Variants in SLC9A9 observed in about 807,000 individuals in gnomAD.
SLC9A9 encodes the protein sodium/hydrogen exchanger 9.
Under a neutral mutation model 77.8 loss-of-function variants are expected in SLC9A9, and 62 were observed. The observed-to-expected ratio is 0.80, with a 90% CI of 0.65 to 0.98. The LOEUF (loss-of-function observed/expected upper bound fraction) is 0.98. SLC9A9 is among the 50% of genes least tolerant of loss of function. The pLI, the probability that SLC9A9 is intolerant of heterozygous loss-of-function variation, is 0.00. For synonymous variants in SLC9A9, 320 were observed against 283.5 expected (o/e 1.13, Z -1.29); for missense variants, 775 against 774.9 (o/e 1.00, Z 0.00).
chr3:143,471,663 TTTTTG>T (rs1339836187), intron 11 of SLC9A9, among the ~76,000 whole-genome samples: 1 of 152,202 alleles, frequency 6.6e-6, no homozygotes, highest in African/African-American at 2.4e-5. Flanking sequence ...TTTCTTTTTC[TTTTTG>T]TTTTGGCCAA....
intron 4 of SLC9A9, among the ~76,000 whole-genome samples, chr3:143,764,832 C>T (rs2007248403): frequency 6.6e-6 from 1 of 152,100 alleles, no homozygotes; most frequent in African/African-American, 2.4e-5. Context: ...CCACTGTGGC[C>T]TTCCAAAATG....
intron 14 of SLC9A9, among the ~76,000 whole-genome samples, chr3:143,275,789 T>C (rs75000165): frequency 0.013 from 2,020 of 152,330 alleles, 48 homozygotes; most frequent in African/African-American, 0.047. Context: ...TCATTGTTTG[T>C]AGGAACATTA....
intron 6 of SLC9A9, among the ~76,000 whole-genome samples, chr3:143,647,769 T>G (rs1418305955): frequency 6.6e-6 from 1 of 152,228 alleles, no homozygotes. Context: ...TCTGCTTAAC[T>G]TCCACAAGTA....
intron 1 of SLC9A9, among the ~76,000 whole-genome samples, chr3:143,844,166 T>C (rs758322481): frequency 5.9e-5 from 9 of 152,234 alleles, no homozygotes; most frequent in Admixed American, 1.3e-4. Context: ...TTTCTTGGTC[T>C]CTACAAGTGT....
chr3:143,645,313 T>C (rs554711249), intron 6 of SLC9A9, among the ~76,000 whole-genome samples: 2 of 152,314 alleles, frequency 1.3e-5, no homozygotes, highest in East Asian at 1.9e-4. Context: ...TTTAGGAATA[T>C]ATTTTTATAA....
intron 4 of SLC9A9, among the ~76,000 whole-genome samples, chr3:143,745,166 CAAAGAA>C (rs1935172103): frequency 6.6e-6 from 1 of 151,842 alleles, no homozygotes; most frequent in South Asian, 2.1e-4. Flanking sequence ...GGCAATAACT[CAAAGAA>C]GAGAGAGATG....
chr3:143,662,562 T>G (rs988199181), intron 5 of SLC9A9, among the ~76,000 whole-genome samples: 1 of 152,024 alleles, frequency 6.6e-6, no homozygotes, highest in African/African-American at 2.4e-5. Context: ...AGGGAAGCCA[T>G]GAGACAGGGT....
chr3:143,832,007 C>T lies in SLC9A9; in HGVS notation c.378+12G>A, dbSNP rs778277967. 3 of 1,606,332 alleles carry T rather than the reference C, an allele frequency of 1.9e-6. No individual in the cohort carries two copies. Among genetic ancestry groups the T allele is most frequent in the South Asian group, 2.2e-5 (2 of 90,840 alleles). ...TGTAAAACAAATATATAATACCAGA[C>T]AGGATCCTTACCTTTTCAAGTATAG... On this transcript the variant is annotated intron_variant, in intron 2 of 15. Transcript: ENST00000316549.
At chr3:143,808,523 C>A (rs950187408) in intron 2 of SLC9A9, among the ~76,000 whole-genome samples, 6 of 152,120 alleles carry the variant, frequency 3.9e-5, no homozygotes, top group African/African-American at 1.4e-4. Flanking sequence ...AGAGAAGCAC[C>A]AATGTTTTGA....
At chr3:143,818,347 C>T (rs1576749561) in intron 2 of SLC9A9, among the ~76,000 whole-genome samples, 1 of 152,186 alleles carries the variant, frequency 6.6e-6, no homozygotes. Context: ...TGCTCTGTTG[C>T]CCAGGCTGGA....
intron 4 of SLC9A9, among the ~76,000 whole-genome samples, chr3:143,771,380 G>C (rs2007510795): frequency 6.6e-6 from 1 of 152,170 alleles, no homozygotes; most frequent in Non-Finnish European, 1.5e-5. Flanking sequence ...TGATTCAACT[G>C]TGTATAGTGT....
intron 8 of SLC9A9, among the ~76,000 whole-genome samples, chr3:143,565,845 C>T (rs1301250245): frequency 1.3e-5 from 2 of 151,958 alleles, no homozygotes; most frequent in Admixed American, 1.3e-4. Flanking sequence ...TGGCTAATGA[C>T]ACGTATTTGG....
intron 4 of SLC9A9, among the ~76,000 whole-genome samples, chr3:143,723,481 C>G (rs7642816): frequency 0.018 from 2,745 of 152,128 alleles, 73 homozygotes; most frequent in African/African-American, 0.061. Context: ...AGTGGGGACA[C>G]AAGATGATTT....
intron 9 of SLC9A9, among the ~76,000 whole-genome samples, chr3:143,497,714 C>T (rs1322672579): frequency 2.6e-5 from 4 of 152,180 alleles, no homozygotes; most frequent in Admixed American, 1.3e-4. Context: ...CACGAAATCA[C>T]TTTTTGATTT....
chr3:143,604,523 TGAA>T (rs2037891626), intron 6 of SLC9A9, among the ~76,000 whole-genome samples: 1 of 152,172 alleles, frequency 6.6e-6, no homozygotes, highest in Admixed American at 6.5e-5. Context: ...CTGGGCCTGA[TGAA>T]GAAGGAGAGG....
chr3:143,539,836 T>G (rs1316964117), intron 9 of SLC9A9, among the ~76,000 whole-genome samples: 3 of 151,990 alleles, frequency 2.0e-5, no homozygotes, highest in African/African-American at 7.3e-5. Flanking sequence ...ATATCCAAGC[T>G]TTGATGATGG....
chr3:143,280,533 T>C (rs1938184207), intron 14 of SLC9A9, among the ~76,000 whole-genome samples: 1 of 149,978 alleles, frequency 6.7e-6, no homozygotes, highest in Non-Finnish European at 1.5e-5. Context: ...GGCCTCTACC[T>C]AGAACTACAT....
At chr3:143,673,123 A>G (rs990739815) in intron 5 of SLC9A9, among the ~76,000 whole-genome samples, 4 of 152,264 alleles carry the variant, frequency 2.6e-5, no homozygotes, top group Admixed American at 1.3e-4. Context: ...TACAGTGTAT[A>G]GAAATGCCTT....
At chr3:143,748,203 G>A (rs550763672) in intron 4 of SLC9A9, among the ~76,000 whole-genome samples, 11 of 152,270 alleles carry the variant, frequency 7.2e-5, no homozygotes, top group South Asian at 4.1e-4. Context: ...GTGACTTGCC[G>A]TAGAACTTTA....
Sources: allele counts gnomAD v4.1 joint callset (sites outside exome capture counted in the v4.1 genomes callset), GRCh38; gene constraint gnomAD v4.1.1; transcripts MANE v1.5; gene names NCBI Gene and HGNC (gene_info 2026-07-23, HGNC 2026-07-21).